Variants in PCDH11X observed in about 807,000 individuals in gnomAD.
PCDH11X encodes protocadherin-11 X-linked.
A neutral mutation model predicts 53.3 loss-of-function variants in PCDH11X; 18 were observed. The observed-to-expected ratio is 0.34, with a 90% CI of 0.23 to 0.50. PCDH11X has a LOEUF of 0.50. Among genes scored for constraint, PCDH11X ranks in the 20% least tolerant of loss-of-function variants. The pLI, the probability that PCDH11X is intolerant of heterozygous loss-of-function variation, is 0.98. For missense variants in PCDH11X, 570 were observed against 1,032.4 expected (o/e 0.55, Z 6.14); for synonymous variants, 279 against 393.3 (o/e 0.71, Z 3.44).
At chrX:92,527,130 G>A (rs1219128278) in intron 10 of PCDH11X, among the ~76,000 whole-genome samples, 1 of 111,489 alleles carries the variant, frequency 9.0e-6, no homozygotes, top group Admixed American at 9.6e-5. Context: ...AAGGGTAGCT[G>A]GGGTTTGGGA....
chrX:92,434,009 G>A (rs1254328909), intron 9 of PCDH11X, among the ~76,000 whole-genome samples: 1 of 109,879 alleles, frequency 9.1e-6, no homozygotes, highest in Non-Finnish European at 1.9e-5. Context: ...GATCCAAGGG[G>A]GATTATTACA....
rs777304104 is a variant in PCDH11X, at chrX:92,005,663, C to T, written c.3033+126390C>T. Reference sequence around the variant, plus strand: ...ATGCCACAGTTAGTTTTATAATATTCTGTATTTTTCTGTGTACTTACTATT... The same window carrying T: ...ATGCCACAGTTAGTTTTATAATATTTTGTATTTTTCTGTGTACTTACTATT... On this transcript the variant is annotated intron_variant, in intron 6 of 10. Transcript: ENST00000682573. Among the ~76,000 whole-genome samples the T allele has an allele frequency of 7.1e-3, 784 of 111,054 alleles. 9 individuals carry two copies. Among genetic ancestry groups the T allele is most frequent in the African/African-American group, 0.025 (752 of 30,610 alleles).
At chrX:92,379,859 C>T (rs1483124086) in intron 8 of PCDH11X, among the ~76,000 whole-genome samples, 1 of 105,475 alleles carries the variant, frequency 9.5e-6, no homozygotes, top group Non-Finnish European at 2.0e-5. Flanking sequence ...CAAAGCATCT[C>T]TTCACTTTGC....
At chrX:92,474,989 C>T (rs948846104) in intron 10 of PCDH11X, among the ~76,000 whole-genome samples, 3 of 103,031 alleles carry the variant, frequency 2.9e-5, no homozygotes, top group Admixed American at 1.1e-4. Flanking sequence ...GACGGTGAAA[C>T]CCCGTCTCTA....
At position 91,809,002 on chromosome X, in the gene PCDH11X, G is replaced by C. The variant is rs778624227; in HGVS notation, c.-378-464G>C. Among the ~76,000 whole-genome samples, 882 of 103,618 alleles carry C rather than the reference G, an allele frequency of 8.5e-3. 13 individuals carry two copies. Among genetic ancestry groups the C allele is most frequent in the African/African-American group, 0.03 (822 of 27,177 alleles). 90.0% of individuals were successfully genotyped at this position (103,618 alleles called of 115,157 possible). Reference sequence around the variant, plus strand: ...AGCTCATTTGTAATTAAAGTTTATCGCAAGTAACTTTTATAATTAAGTAAC... The same window carrying C: ...AGCTCATTTGTAATTAAAGTTTATCCCAAGTAACTTTTATAATTAAGTAAC... On this transcript the variant is annotated intron_variant, in intron 1 of 10. Transcript: ENST00000682573.
chrX:92,500,119 C>A (rs2073936281), intron 10 of PCDH11X, among the ~76,000 whole-genome samples: 1 of 111,076 alleles, frequency 9.0e-6, no homozygotes, highest in Admixed American at 9.6e-5. Context: ...CTTTGACACA[C>A]AGAATAAAAT....
chrX:92,512,648 G>A (rs560929621), intron 10 of PCDH11X, among the ~76,000 whole-genome samples: 5 of 112,096 alleles, frequency 4.5e-5, no homozygotes, highest in Admixed American at 9.5e-5. Context: ...CTGAGCCAGC[G>A]TGTCACAGTG....
At chrX:92,217,007 G>T (rs1258077528) in intron 7 of PCDH11X, among the ~76,000 whole-genome samples, 1 of 110,808 alleles carries the variant, frequency 9.0e-6, no homozygotes, top group East Asian at 2.9e-4. Context: ...AATGCTGAGA[G>T]ATTTTGTCAC....
chrX:91,861,214 A>G (rs1938653017), intron 5 of PCDH11X, among the ~76,000 whole-genome samples: 1 of 111,636 alleles, frequency 9.0e-6, no homozygotes, highest in Non-Finnish European at 1.9e-5. Flanking sequence ...GGGAGGGTGT[A>G]TATTTCCAGG....
At chrX:92,175,803 C>CACACAT (rs1556140702) in intron 6 of PCDH11X, among the ~76,000 whole-genome samples, 3 of 94,722 alleles carry the variant, frequency 3.2e-5, no homozygotes, top group Non-Finnish European at 6.4e-5. Context: ...CACACACACA[C>CACACAT]AGAGAGAGAG....
chrX:92,354,830 GAA>G (rs1477793835), intron 8 of PCDH11X, among the ~76,000 whole-genome samples: 1 of 111,442 alleles, frequency 9.0e-6, no homozygotes, highest in Non-Finnish European at 1.9e-5. Flanking sequence ...GTAAAAGAGA[GAA>G]ATTCAGCATC....
intron 1 of PCDH11X, among the ~76,000 whole-genome samples, chrX:91,794,681 T>G (rs2147527195): frequency 9.2e-6 from 1 of 108,754 alleles, no homozygotes; most frequent in African/African-American, 3.3e-5. Flanking sequence ...AAGTAGGAAT[T>G]ATTGTAGTGA....
At chrX:92,338,586 G>A (rs749894826) in intron 8 of PCDH11X, among the ~76,000 whole-genome samples, 71 of 110,738 alleles carry the variant, frequency 6.4e-4, no homozygotes, top group African/African-American at 2.2e-3. Context: ...ATCTATTAGA[G>A]CAAATTATAT....
intron 8 of PCDH11X, among the ~76,000 whole-genome samples, chrX:92,285,533 G>T (rs918937424): frequency 1.8e-5 from 2 of 111,268 alleles, no homozygotes; most frequent in Non-Finnish European, 3.8e-5. Context: ...GATTACAGGT[G>T]TGAGCCACTG....
Position 92,427,034 on chromosome X carries a change from C to A in PCDH11X, c.3343+39101C>A, listed in dbSNP as rs1384132200. On this transcript the variant is annotated intron_variant, in intron 9 of 10. Coordinates refer to ENST00000682573, the MANE Select transcript of PCDH11X (RefSeq NM_032968.5). The stretch of plus-strand genomic sequence containing the variant: ...TCTTTCCTCTATCCTCCCCTTCACT[C>A]CCTGCCTTTCTCCTTTCCTTCTTTC... Among the ~76,000 whole-genome samples the A allele has an allele frequency of 1.3e-4, 14 of 109,783 alleles. No homozygotes were observed. In the East Asian group the frequency reaches 4.1e-3, roughly 32 times the overall value.
At chrX:92,211,876 T>C (rs984361923) in intron 7 of PCDH11X, among the ~76,000 whole-genome samples, 1 of 111,543 alleles carries the variant, frequency 9.0e-6, no homozygotes, top group Non-Finnish European at 1.9e-5. Context: ...ACTAGTGTCT[T>C]TACTTATTTT....
chrX:91,939,393 G>A (rs1294924422), intron 6 of PCDH11X, among the ~76,000 whole-genome samples: 1 of 110,972 alleles, frequency 9.0e-6, no homozygotes, highest in African/African-American at 3.3e-5. Flanking sequence ...TAGAGTCTAA[G>A]AAGGAGAGGA....
rs2525159 is a variant in PCDH11X at position 91,904,105 on chromosome X, T to G, written c.3033+24832T>G. ...CTCTAATTCCTTTTAACTGTGGGAC[T>G]AAAGGGTGAGAAGATGGGTGTGGGG... On this transcript the variant is annotated intron_variant, in intron 6 of 10. Transcript: ENST00000682573. Among the ~76,000 whole-genome samples, 3 of 111,041 alleles carry G rather than the reference T, an allele frequency of 2.7e-5. No individual in the cohort carries two copies. The Admixed American group carries it at 2.9e-4, about 11-fold the overall frequency.
chrX:91,989,490 G>T (rs1236033178), intron 6 of PCDH11X, among the ~76,000 whole-genome samples: 2 of 110,309 alleles, frequency 1.8e-5, no homozygotes, highest in Admixed American at 1.9e-4. Context: ...GTGAACCCAG[G>T]AGGCGGAGCT....
Sources: allele counts gnomAD v4.1 joint callset (sites outside exome capture counted in the v4.1 genomes callset), GRCh38; gene constraint gnomAD v4.1.1; transcripts MANE v1.5; gene names NCBI Gene and HGNC (gene_info 2026-07-23, HGNC 2026-07-21).